Variants in C4orf54 observed in about 807,000 individuals in gnomAD.
C4orf54 encodes the protein chromosome 4 open reading frame 54, also known as uncharacterized protein C4orf54.
Under a neutral mutation model 80.1 loss-of-function variants are expected in C4orf54, and 67 were observed. The observed-to-expected ratio is 0.84, with a 90% confidence interval of 0.69 to 1.03. The LOEUF (loss-of-function observed/expected upper bound fraction) is 1.03, where lower values mean the gene tolerates loss of function less well. C4orf54 is among the 50% of genes least tolerant of loss of function. C4orf54 has a pLI of 0.00. For missense variants in C4orf54, 2,434 were observed against 2,253.5 expected (o/e 1.08, Z -1.62); for synonymous variants, 1,000 against 917.0 (o/e 1.09, Z -1.64).
chr4:99,642,261 A>G (rs756554166), intron 2 of C4orf54, among the ~76,000 whole-genome samples: 1 of 152,208 alleles, frequency 6.6e-6, no homozygotes, highest in Non-Finnish European at 1.5e-5. Context: ...TACAAGAGGG[A>G]GAAAAGAAAA....
intron 2 of C4orf54, among the ~76,000 whole-genome samples, chr4:99,644,047 G>A (rs75888472): frequency 0.015 from 2,237 of 152,170 alleles, 51 homozygotes; most frequent in Non-Finnish European, 0.016. Context: ...AGAGAAGAGG[G>A]ACAATTTACA....
chr4:99,647,080 G>A (rs1412517526), intron 2 of C4orf54, among the ~76,000 whole-genome samples: 3 of 152,108 alleles, frequency 2.0e-5, no homozygotes, highest in South Asian at 2.1e-4. Flanking sequence ...AATGAAGGTC[G>A]TGCTTTCAAA....
Position 99,650,142 on chromosome 4 carries a change from G to C in C4orf54, c.4507C>G (p.Leu1503Val). 6.5e-7 allele frequency: 1 copy of C among 1,536,052 alleles called. No individual in the cohort carries two copies. The highest frequency in any genetic ancestry group is 8.7e-7 in the Non-Finnish European group (1 of 1,146,888). The change falls in exon 2 of 3, where the codon CTC (leucine) becomes GTC (valine). Residue 1503 changes from leucine (L) to valine (V), a missense_variant. By Grantham distance (32) the Leu-to-Val change is conservative. Coordinates refer to ENST00000511828, the MANE Select transcript of C4orf54 (RefSeq NM_001354435.2). ...GCACTCAGCGGGGGTAAACTACAGAGAGTGGCAGCTGAGGAGTTGGGGGGC... is the reference window on the plus strand; with the variant it reads ...GCACTCAGCGGGGGTAAACTACAGACAGTGGCAGCTGAGGAGTTGGGGGGC... ...EGPPNSSAAT[L>V]CSLPPLSARS...
chr4:99,653,585 C>A lies in C4orf54; in HGVS notation c.1064G>T (p.Gly355Val), dbSNP rs1168597633. The change falls in exon 2 of 3, where the codon GGC becomes GTC. Residue 355 changes from glycine to valine, a missense_variant. Coordinates refer to ENST00000511828, the MANE Select transcript of C4orf54 (RefSeq NM_001354435.2). The stretch of plus-strand genomic sequence containing the variant: ...TTCGACTTTGGGGGGGTCCCTGCTG[C>A]CCTGGGACTTGGCAATAATGTCCCT... ...ECRDIIAKSQ[G>V]SRDPPKVEEA... 1 of 1,536,040 alleles carries A rather than the reference C, an allele frequency of 6.5e-7. No individual in the cohort carries two copies. The highest frequency in any genetic ancestry group is 8.7e-7 in the Non-Finnish European group (1 of 1,146,850).
intron 2 of C4orf54, among the ~76,000 whole-genome samples, chr4:99,647,241 G>GC (rs1261845122): frequency 1.3e-5 from 2 of 152,268 alleles, no homozygotes; most frequent in East Asian, 1.9e-4. Flanking sequence ...AGGATACTGT[G>GC]CAAGTGTGTG....
chr4:99,648,554 A>AGG (rs1553930080), intron 2 of C4orf54, among the ~76,000 whole-genome samples: 21 of 145,740 alleles, frequency 1.4e-4, no homozygotes, highest in Non-Finnish European at 1.1e-4. Context: ...TAGAGAACAA[A>AGG]GTGTGTGTGT....
intron 1 of C4orf54, among the ~76,000 whole-genome samples, chr4:99,656,620 G>A (rs1359265830): frequency 6.6e-6 from 1 of 152,190 alleles, no homozygotes; most frequent in Non-Finnish European, 1.5e-5. Context: ...TCACAGCTAA[G>A]ACTTACATAG....
chr4:99,652,714 G>T lies in C4orf54; in HGVS notation c.1935C>A (p.Ser645Arg), dbSNP rs559822157. The part of the protein sequence containing the change: ...AYPYFEALNI[S>R]SRESSTTLSE... ...AGAGCGTGGTGGAGGACTCCCGGGA[G>T]CTGATGTTCAGAGCCTCAAAGTAGG... is the stretch of plus-strand genomic sequence containing the variant. The change falls in exon 2 of 3, where the codon AGC (serine) becomes AGA (arginine). Residue 645 changes from serine (S) to arginine (R), a missense_variant. Transcript: ENST00000511828. 3 of 1,536,118 alleles carry T rather than the reference G, an allele frequency of 2.0e-6. No individual in the cohort carries two copies. The highest frequency in any genetic ancestry group is 4.9e-5 in the East Asian group (2 of 40,894).
chr4:99,642,968 C>T (rs561905813), intron 2 of C4orf54, among the ~76,000 whole-genome samples: 1 of 152,306 alleles, frequency 6.6e-6, no homozygotes, highest in African/African-American at 2.4e-5. Flanking sequence ...CTGGCCTGCC[C>T]TGAGAGATCA....
chr4:99,640,711 GA>G lies in C4orf54; in HGVS notation c.*521del, dbSNP rs1182193457. 6.6e-6 allele frequency: 1 copy of G among 152,146 alleles called. No homozygotes were observed. The highest frequency in any genetic ancestry group is 2.4e-5 in the African/African-American group (1 of 41,450). 9.4% of individuals were successfully genotyped at this position (152,146 alleles called of 1,614,324 possible). On this transcript the variant is annotated 3_prime_UTR_variant, in exon 3 of 3. Coordinates refer to ENST00000511828, the MANE Select transcript of C4orf54 (RefSeq NM_001354435.2). ...AGGTTTGGCTGATATATGATTCAAA[GA>G]GCAGACCATCATAGTGAAAACTTAA...
At chr4:99,643,793 C>CACA (rs1553929797) in intron 2 of C4orf54, among the ~76,000 whole-genome samples, 20 of 75,302 alleles carry the variant, frequency 2.7e-4, no homozygotes, top group African/African-American at 5.3e-4. Context: ...CACACACACA[C>CACA]CCCCTCCGCG....
Position 99,653,401 on chromosome 4 carries a change from T to A in C4orf54, c.1248A>T (p.Pro416=). 1.3e-5 allele frequency: 20 copies of A among 1,536,260 alleles called. No homozygotes were observed. The highest frequency in any genetic ancestry group is 1.7e-5 in the Non-Finnish European group (20 of 1,146,892). The change falls in exon 2 of 3, where the codon CCA becomes CCT. Residue 416 remains proline, a synonymous_variant. Transcript: ENST00000511828. ...CTTCGGTCAGACTGGTGATGTCCCCTGGGGTCTCGTCGCTGCCACCAAAGG... is the reference window on the plus strand; with the variant it reads ...CTTCGGTCAGACTGGTGATGTCCCCAGGGGTCTCGTCGCTGCCACCAAAGG... The part of the protein sequence containing the change: ...YASFGGSDET[P]GDITSLTEED...
rs1047924497 is a variant in C4orf54 at position 99,653,720 on chromosome 4, C to A, written c.929G>T (p.Gly310Val). The A allele has an allele frequency of 1.3e-6, 2 of 1,533,826 alleles. No homozygotes were observed. The highest frequency in any genetic ancestry group is 8.7e-7 in the Non-Finnish European group (1 of 1,145,406). Residue 310 changes from glycine (G) to valine (V), a missense_variant, in exon 2 of 3, where the codon GGT (glycine) becomes GTT (valine). Transcript: ENST00000511828. ...SSSLGFESES[G>V]ESEGCQAVGG... The stretch of plus-strand genomic sequence containing the variant: ...CACGGCCTGGCAACCTTCACTTTCA[C>A]CACTCTCACTCTCGAAGCCTAAGGA...
At position 99,652,097 on chromosome 4, in the gene C4orf54, GCGCCCTCCGTCT is replaced by G; in HGVS notation, c.2540_2551del (p.Glu847_Gly850del). On this transcript the variant is annotated inframe_deletion, in exon 2 of 3. Coordinates refer to ENST00000511828, the MANE Select transcript of C4orf54 (RefSeq NM_001354435.2). The stretch of plus-strand genomic sequence containing the variant: ...CTCTCGCTGCCTCTCGCTCCCGCGG[GCGCCCTCCGTCT>G]CCTTGGAGGTGCCTGAGAGGTGGTG... The G allele has an allele frequency of 6.5e-7, 1 of 1,536,104 alleles. No individual in the cohort carries two copies. Among genetic ancestry groups the G allele is most frequent in the South Asian group, 1.2e-5 (1 of 84,070 alleles).
Position 99,649,230 on chromosome 4 carries a change from C to G in C4orf54, c.*36+1G>C. ...TGATTATCAAAGTGAAATTCACTTA[C>G]CAGCAGTTTTTCATTCCGCTTCCTG... On this transcript the variant is annotated splice_donor_variant, in intron 2 of 2. Transcript: ENST00000511828. LOFTEE classifies it low-confidence loss of function (3UTR_SPLICE). 6.8e-7 allele frequency: 1 copy of G among 1,465,350 alleles called. No homozygotes were observed. The highest frequency in any genetic ancestry group is 9.0e-7 in the Non-Finnish European group (1 of 1,112,186). The allele number at this position is 1,465,350 out of a possible 1,614,324, so 90.8% of individuals were successfully genotyped here.
Position 99,650,368 on chromosome 4 carries a change from A to G in C4orf54, c.4281T>C (p.Ala1427=). The G allele has an allele frequency of 6.5e-7, 1 of 1,535,996 alleles. No individual in the cohort carries two copies. The highest frequency in any genetic ancestry group is 8.7e-7 in the Non-Finnish European group (1 of 1,146,866). The change falls in exon 2 of 3, where the codon GCT becomes GCC. Residue 1427 remains alanine, a synonymous_variant. Coordinates refer to ENST00000511828, the MANE Select transcript of C4orf54 (RefSeq NM_001354435.2). ...QGPSPESPSA[A]KGIKSQGLRS... ...GGAGTCCCTGCGACTTGATGCCCTT[A>G]GCTGCTGAAGGACTCTCCGGAGAAG...
Position 99,650,900 on chromosome 4 carries a change from G to C in C4orf54, c.3749C>G (p.Ala1250Gly). 2 of 1,536,156 alleles carry C rather than the reference G, an allele frequency of 1.3e-6. No individual in the cohort carries two copies. The highest frequency in any genetic ancestry group is 1.7e-6 in the Non-Finnish European group (2 of 1,146,920). Residue 1250 changes from alanine to glycine, a missense_variant, in exon 2 of 3, where the codon GCC becomes GGC. Transcript: ENST00000511828. Reference sequence around the variant, plus strand: ...AGTCAGCTTCTCCAGGGCATTCCGGGCTGGCTTCGTGGCTTTCCCTTCCTC... The same window carrying C: ...AGTCAGCTTCTCCAGGGCATTCCGGCCTGGCTTCGTGGCTTTCCCTTCCTC... ...VKEEGKATKP[A>G]RNALEKLTAA... is the part of the protein sequence containing the mutation.
chr4:99,638,045 C>A lies in C4orf54; in HGVS notation c.*3188G>T, dbSNP rs1272423654. The A allele has an allele frequency of 6.6e-6, 1 of 152,038 alleles. No homozygotes were observed. The highest frequency in any genetic ancestry group is 2.4e-5 in the African/African-American group (1 of 41,400). The allele number at this position is 152,038 out of a possible 1,614,324, so 9.4% of individuals were successfully genotyped here. Reference sequence around the variant, plus strand: ...AAGTATGAAAACAATTAAAATCTATCTTTTTAAGAGGCAAGGATGATAATG... The same window carrying A: ...AAGTATGAAAACAATTAAAATCTATATTTTTAAGAGGCAAGGATGATAATG... On this transcript the variant is annotated 3_prime_UTR_variant, in exon 3 of 3. Transcript: ENST00000511828.
intron 2 of C4orf54, among the ~76,000 whole-genome samples, chr4:99,647,556 G>A (rs528169370): frequency 7.9e-5 from 12 of 152,130 alleles, no homozygotes; most frequent in South Asian, 4.2e-4. Context: ...ATCACACAGT[G>A]TCTGTTGCAG....
Sources: allele counts gnomAD v4.1 joint callset (sites outside exome capture counted in the v4.1 genomes callset), GRCh38; gene constraint gnomAD v4.1.1; transcripts MANE v1.5; gene names NCBI Gene and HGNC (gene_info 2026-07-23, HGNC 2026-07-21).